KCNJ6: variants seen among roughly 807,000 people sequenced by gnomAD.
KCNJ6 encodes G protein-activated inward rectifier potassium channel 2.
A neutral mutation model predicts 34.2 loss-of-function variants in KCNJ6; 9 were observed. The observed-to-expected ratio is 0.26, with a 90% CI of 0.16 to 0.46. KCNJ6 has a LOEUF of 0.46. Ranked by LOEUF, KCNJ6 falls within the 20% of genes least tolerant of loss-of-function variation. The pLI is 1.00. For missense variants in KCNJ6, 236 were observed against 531.3 expected (o/e 0.44, Z 5.46); for synonymous variants, 196 against 207.1 (o/e 0.95, Z 0.46).
chr21:37,850,651 A>G (rs984621053), intron 1 of KCNJ6, among the ~76,000 whole-genome samples: 2 of 152,126 alleles, frequency 1.3e-5, no homozygotes, highest in Admixed American at 6.5e-5. Context: ...GATTTAGAAA[A>G]TAATCACCCG....
intron 3 of KCNJ6, among the ~76,000 whole-genome samples, chr21:37,708,893 G>T (rs2054735287): frequency 6.6e-6 from 1 of 152,150 alleles, no homozygotes; most frequent in Non-Finnish European, 1.5e-5. Context: ...CTTTTCAAAG[G>T]CTGCAATCTC....
intron 1 of KCNJ6, among the ~76,000 whole-genome samples, chr21:37,863,609 G>A (rs2055605532): frequency 6.6e-6 from 1 of 152,090 alleles, no homozygotes; most frequent in South Asian, 2.1e-4. Flanking sequence ...AGGAAATAAG[G>A]TTATTAAAAT....
intron 3 of KCNJ6, among the ~76,000 whole-genome samples, chr21:37,709,088 A>T (rs1282825278): frequency 7.2e-5 from 11 of 152,242 alleles, no homozygotes; most frequent in Non-Finnish European, 1.5e-4. Flanking sequence ...TTTAAAATTC[A>T]TGTCAATGTC....
Position 37,711,106 on chromosome 21 carries a change from C to T in KCNJ6, c.946+3105G>A, listed in dbSNP as rs140953529. ...CCTTCAAGGCCATGAAAGGGGGGCT[C>T]GCTTCCAGCCTTCAAGGAGCCCACT... On this transcript the variant is annotated intron_variant, in intron 3 of 3. Transcript: ENST00000609713. Among the ~76,000 whole-genome samples, 790 of 152,284 alleles carry T rather than the reference C, an allele frequency of 5.2e-3. 4 individuals are homozygous for T. The highest frequency in any genetic ancestry group is 0.037 in the Middle Eastern group (11 of 294).
chr21:37,652,896 C>T lies in KCNJ6; in HGVS notation c.947-27412G>A, dbSNP rs537456170. On this transcript the variant is annotated intron_variant, in intron 3 of 3. Transcript: ENST00000609713. Reference sequence around the variant, plus strand: ...GATTCCTGTCTGATGTTTTCAATTTCCTGAGTAAGTCCATTTGCTGAGAGG... The same window carrying T: ...GATTCCTGTCTGATGTTTTCAATTTTCTGAGTAAGTCCATTTGCTGAGAGG... Among the ~76,000 whole-genome samples, 60 of 152,236 alleles carry T rather than the reference C, an allele frequency of 3.9e-4. 1 individual carries two copies. In the South Asian group the frequency reaches 0.01, roughly 26 times the overall value.
intron 3 of KCNJ6, among the ~76,000 whole-genome samples, chr21:37,653,763 T>G (rs2054444488): frequency 6.6e-6 from 1 of 152,218 alleles, no homozygotes; most frequent in African/African-American, 2.4e-5. Flanking sequence ...CCTTTCTTAT[T>G]CTCTGATGTA....
chr21:37,775,316 T>C (rs1260501155), intron 2 of KCNJ6, among the ~76,000 whole-genome samples: 1 of 152,238 alleles, frequency 6.6e-6, no homozygotes, highest in Non-Finnish European at 1.5e-5. Context: ...TTCACTCTGA[T>C]GGTAGTTTCT....
At chr21:37,748,950 A>G (rs2835929) in intron 2 of KCNJ6, among the ~76,000 whole-genome samples, 11,204 of 152,278 alleles carry the variant, frequency 0.074, 447 homozygotes, top group African/African-American at 0.093. Flanking sequence ...TAATAGGTAT[A>G]GAGCTATCAA....
At position 37,612,717 on chromosome 21, in the gene KCNJ6, C is replaced by A. The variant is rs981612828; in HGVS notation, c.*12442G>T. On this transcript the variant is annotated 3_prime_UTR_variant, in exon 4 of 4. Coordinates refer to ENST00000609713, the MANE Select transcript of KCNJ6 (RefSeq NM_002240.5). ...TTGAAATAGCTGCACATTTGCACAT[C>A]CACAGGCAAAAAAAAAAAAAAAAAA... 2 of 105,600 alleles carry A rather than the reference C, an allele frequency of 1.9e-5. No homozygotes were observed. The highest frequency in any genetic ancestry group is 1.8e-5 in the Non-Finnish European group (1 of 55,544). 6.5% of individuals were successfully genotyped at this position (105,600 alleles called of 1,614,324 possible).
rs766622814 is a variant in KCNJ6 at position 37,661,614 on chromosome 21, G to GTTCTTTTTT, written c.947-36131_947-36130insAAAAAAGAA. Among the ~76,000 whole-genome samples, 505 of 71,198 alleles carry GTTCTTTTTT rather than the reference G, an allele frequency of 7.1e-3. 106 individuals are homozygous for GTTCTTTTTT. The highest frequency in any genetic ancestry group is 0.024 in the African/African-American group (448 of 18,702). 46.7% of individuals were successfully genotyped at this position (71,198 alleles called of 152,430 possible). On this transcript the variant is annotated intron_variant, in intron 3 of 3. Transcript: ENST00000609713. The stretch of plus-strand genomic sequence containing the variant: ...TCCACCCATTTCCTTAAGAGACATA[G>GTTCTTTTTT]TTTTTTTTTTTTTTTTTTTTTTTTT...
intron 2 of KCNJ6, among the ~76,000 whole-genome samples, chr21:37,805,935 T>G (rs566932260): frequency 1.3e-5 from 2 of 152,326 alleles, no homozygotes; most frequent in African/African-American, 4.8e-5. Context: ...ACATCTGAAT[T>G]ACAAACTTCT....
intron 2 of KCNJ6, among the ~76,000 whole-genome samples, chr21:37,763,300 T>A (rs1484498908): frequency 6.6e-6 from 1 of 152,094 alleles, no homozygotes; most frequent in Non-Finnish European, 1.5e-5. Flanking sequence ...AAGGGTGGAA[T>A]TTTTGGTGGA....
At chr21:37,701,099 C>A (rs1180645704) in intron 3 of KCNJ6, among the ~76,000 whole-genome samples, 1 of 152,230 alleles carries the variant, frequency 6.6e-6, no homozygotes, top group Non-Finnish European at 1.5e-5. Flanking sequence ...CAGGAGGACA[C>A]AGCTGCCTGG....
At chr21:37,810,418 T>C (rs2055316867) in intron 2 of KCNJ6, among the ~76,000 whole-genome samples, 2 of 152,180 alleles carry the variant, frequency 1.3e-5, no homozygotes, top group African/African-American at 4.8e-5. Flanking sequence ...TAGAAGGGGA[T>C]TGTAAGGGCA....
intron 3 of KCNJ6, among the ~76,000 whole-genome samples, chr21:37,656,454 G>C (rs998740019): frequency 1.3e-5 from 2 of 152,178 alleles, no homozygotes; most frequent in African/African-American, 4.8e-5. Context: ...GTTGGTTTGT[G>C]GGGTAGACGA....
intron 3 of KCNJ6, among the ~76,000 whole-genome samples, chr21:37,639,436 A>ATT (rs983591251): frequency 6.6e-6 from 1 of 150,956 alleles, no homozygotes; most frequent in African/African-American, 2.4e-5. Context: ...TACCTGAACT[A>ATT]TTTTTTTTTC....
At chr21:37,852,631 G>A (rs2226741) in intron 1 of KCNJ6, among the ~76,000 whole-genome samples, 132,609 of 152,184 alleles carry the variant, frequency 0.87, 57,974 homozygotes, top group East Asian at 0.97. Context: ...GAATCTTATA[G>A]TAACACCAAA....
chr21:37,789,086 G>C (rs2055205184), intron 2 of KCNJ6, among the ~76,000 whole-genome samples: 2 of 152,252 alleles, frequency 1.3e-5, no homozygotes, highest in African/African-American at 4.8e-5. Context: ...GCTAGGCATG[G>C]TCATGGAATG....
chr21:37,728,500 A>C (rs2054866949), intron 2 of KCNJ6, among the ~76,000 whole-genome samples: 1 of 152,214 alleles, frequency 6.6e-6, no homozygotes, highest in Non-Finnish European at 1.5e-5. Context: ...AGAAAGCATA[A>C]ATATATTTAA....
Sources: gnomAD v4.1 joint callset for allele counts (sites outside exome capture counted in the v4.1 genomes callset) on GRCh38, gnomAD v4.1.1 for gene constraint, MANE v1.5 for transcripts, NCBI Gene and HGNC (gene_info 2026-07-23, HGNC 2026-07-21) for gene names.